Variants in RXFP1 observed in about 807,000 individuals in gnomAD.
RXFP1 encodes the protein relaxin family peptide receptor 1.
Under a neutral mutation model 89.8 loss-of-function variants are expected in RXFP1, and 73 were observed. That is an observed-to-expected ratio of 0.81 (90% CI 0.67 to 0.99). The LOEUF is 0.99. Ranked by LOEUF, RXFP1 falls within the 50% of genes least tolerant of loss-of-function variation. RXFP1 has a pLI of 0.00. For missense variants in RXFP1, 793 were observed against 895.5 expected, an observed-to-expected ratio of 0.89 and a Z score of 1.46; for synonymous variants, 277 against 305.5, an observed-to-expected ratio of 0.91 and a Z score of 0.97.
intron 9 of RXFP1, 77 bp downstream of exon 9, chr4:158,617,282 G>A: frequency 2.8e-6 from 3 of 1,085,072 alleles, no homozygotes; most frequent in Non-Finnish European, 1.4e-6. Context: ...ATATAAGATT[G>A]TTTTAGTTTT....
chr4:158,551,428 G>A (rs771844194), intron 1 of RXFP1, among the ~76,000 whole-genome samples: 23 of 152,104 alleles, frequency 1.5e-4, no homozygotes, highest in Admixed American at 2.0e-4. Context: ...GAGATCTGTC[G>A]TACAGCATGG....
rs746390136 is a variant in RXFP1 at position 158,647,170 on chromosome 4, A to T, written c.1725A>T (p.Gly575=). ...PLHSEDTESI[G]AQIYSVAIFL... ...ATTCAGAAGATACAGAAAGTATTGG[A>T]GCCCAGATTTATTCAGTGGCAATTT... Residue 575 remains glycine, a synonymous_variant, in exon 16 of 18, where the codon GGA becomes GGT. Transcript: ENST00000307765. 6.3e-7 allele frequency: 1 copy of T among 1,594,880 alleles called. No individual in the cohort carries two copies. The highest frequency in any genetic ancestry group is 1.1e-5 in the South Asian group (1 of 87,978).
chr4:158,593,353 G>A (rs1759909732), intron 2 of RXFP1, 48 bp from the exon 3 acceptor site: 1 of 1,187,146 alleles, frequency 8.4e-7, no homozygotes. Context: ...CAATATACCA[G>A]AATATCTCTG....
intron 4 of RXFP1, among the ~76,000 whole-genome samples, chr4:158,602,381 G>A (rs192380504): frequency 6.3e-4 from 96 of 152,084 alleles, no homozygotes; most frequent in Non-Finnish European, 9.0e-4. Flanking sequence ...GGGTTCTCTC[G>A]TAGAACCTCA....
chr4:158,561,896 G>A (rs1290028826), intron 1 of RXFP1, among the ~76,000 whole-genome samples: 1 of 151,912 alleles, frequency 6.6e-6, no homozygotes, highest in Admixed American at 6.6e-5. Context: ...CCAAAGTGCT[G>A]GGATTACAGG....
Position 158,648,713 on chromosome 4 carries a change from A to G in RXFP1, c.1971A>G (p.Ile657Met), listed in dbSNP as rs1199589825. ...VKFLSLLQVE[I>M]PGTITSWVVI... The stretch of plus-strand genomic sequence containing the variant: ...TTCTTTCACTGCTTCAGGTAGAAAT[A>G]CCAGGTACAATATTTTTTAATCTCC... Residue 657 changes from isoleucine to methionine, a missense_variant, in exon 17 of 18, where the codon ATA becomes ATG. By Grantham distance (10) the Ile-to-Met change is conservative. Coordinates refer to ENST00000307765, the MANE Select transcript of RXFP1 (RefSeq NM_021634.4). 1 of 1,554,616 alleles carries G rather than the reference A, an allele frequency of 6.4e-7. No homozygotes were observed. Among genetic ancestry groups the G allele is most frequent in the South Asian group, 1.1e-5 (1 of 87,362 alleles).
At chr4:158,568,076 C>A (rs371972640) in intron 1 of RXFP1, among the ~76,000 whole-genome samples, 2 of 152,344 alleles carry the variant, frequency 1.3e-5, no homozygotes, top group African/African-American at 4.8e-5. Flanking sequence ...GAACACACTG[C>A]CTTTATGAGC....
chr4:158,606,662 C>T (rs1210157514), intron 5 of RXFP1, among the ~76,000 whole-genome samples: 1 of 151,976 alleles, frequency 6.6e-6, no homozygotes, highest in African/African-American at 2.4e-5. Context: ...TAGTTCATTG[C>T]ACCCTCAAAC....
chr4:158,525,185 A>G (rs1742178708), intron 1 of RXFP1, among the ~76,000 whole-genome samples: 1 of 145,888 alleles, frequency 6.9e-6, no homozygotes, highest in South Asian at 2.4e-4. Flanking sequence ...TATGCAGACC[A>G]CAGAGGTATA....
chr4:158,647,181 AT>A lies in RXFP1; in HGVS notation c.1738del (p.Ser580GlnfsTer16). 1 of 1,568,692 alleles carries A rather than the reference AT, an allele frequency of 6.4e-7. No individual in the cohort carries two copies. ...ACAGAAAGTATTGGAGCCCAGATTTATTCAGTGGCAATTTTTCTTGGTAAGA... is the reference window on the plus strand; with the variant it reads ...ACAGAAAGTATTGGAGCCCAGATTTATCAGTGGCAATTTTTCTTGGTAAGA... The part of the protein sequence containing the change: ...EDTESIGAQI[Y>X]SVAIFLGINL... On this transcript the variant is annotated frameshift_variant, in exon 16 of 18. Transcript: ENST00000307765. LOFTEE classifies it high-confidence loss of function.
intron 1 of RXFP1, among the ~76,000 whole-genome samples, chr4:158,539,943 G>A (rs555891164): frequency 1.3e-5 from 2 of 152,318 alleles, no homozygotes; most frequent in South Asian, 2.1e-4. Flanking sequence ...GAAGTTAAGA[G>A]CAGTGGGTTT....
intron 4 of RXFP1, among the ~76,000 whole-genome samples, chr4:158,604,100 A>G (rs1339532898): frequency 6.6e-6 from 1 of 151,966 alleles, no homozygotes; most frequent in African/African-American, 2.4e-5. Context: ...GAGTCCAAGA[A>G]AGTTTTTTTT....
intron 1 of RXFP1, among the ~76,000 whole-genome samples, chr4:158,559,310 A>G (rs1048541770): frequency 6.6e-6 from 1 of 152,314 alleles, no homozygotes; most frequent in East Asian, 1.9e-4. Flanking sequence ...TCTCCAAAAA[A>G]ATAAAAATAA....
At chr4:158,582,022 T>C (rs542148271) in intron 2 of RXFP1, among the ~76,000 whole-genome samples, 6 of 152,190 alleles carry the variant, frequency 3.9e-5, no homozygotes, top group Admixed American at 6.5e-5. Flanking sequence ...TTTGAGCCAA[T>C]AGAGTGAAAG....
intron 1 of RXFP1, among the ~76,000 whole-genome samples, chr4:158,523,938 A>C (rs1741809890): frequency 6.6e-6 from 1 of 152,162 alleles, no homozygotes. Flanking sequence ...CTTTCCTGTA[A>C]CGGGAAAGGC....
chr4:158,597,057 T>G (rs1184675848), intron 3 of RXFP1, among the ~76,000 whole-genome samples: 2 of 152,318 alleles, frequency 1.3e-5, no homozygotes, highest in Middle Eastern at 3.4e-3. Context: ...TGGGGGGTAG[T>G]GCAGCTAACG....
At chr4:158,545,638 G>C (rs1247812767) in intron 1 of RXFP1, among the ~76,000 whole-genome samples, 1 of 152,152 alleles carries the variant, frequency 6.6e-6, no homozygotes, top group Admixed American at 6.5e-5. Flanking sequence ...AGGGTGTAAG[G>C]AAGGGATCCA....
At chr4:158,567,980 G>A (rs533037222) in intron 1 of RXFP1, among the ~76,000 whole-genome samples, 2 of 152,174 alleles carry the variant, frequency 1.3e-5, no homozygotes, top group Non-Finnish European at 2.9e-5. Flanking sequence ...CTGCTTTTAT[G>A]AGATGTAACA....
chr4:158,622,861 A>C (rs1765889626), intron 9 of RXFP1, among the ~76,000 whole-genome samples: 1 of 152,218 alleles, frequency 6.6e-6, no homozygotes, highest in African/African-American at 2.4e-5. Flanking sequence ...AGGCACTCTT[A>C]CCATAAAAGA....
Sources: allele counts gnomAD v4.1 joint callset (sites outside exome capture counted in the v4.1 genomes callset), GRCh38; gene constraint gnomAD v4.1.1; transcripts MANE v1.5; gene names NCBI Gene and HGNC (gene_info 2026-07-23, HGNC 2026-07-21).